RBFOX1: variants seen among roughly 807,000 people sequenced by gnomAD.
RBFOX1 encodes RNA binding protein fox-1 homolog 1.
A neutral mutation model predicts 57.7 loss-of-function variants in RBFOX1; 8 were observed. The observed-to-expected ratio is 0.14, with a 90% CI of 0.08 to 0.25. RBFOX1 has a LOEUF of 0.25. Ranked by LOEUF, RBFOX1 falls within the 10% of genes least tolerant of loss-of-function variation. RBFOX1 has a pLI of 1.00. For synonymous variants in RBFOX1, 326 were observed against 222.4 expected, an observed-to-expected ratio of 1.47 and a Z score of -4.15; for missense variants, 611 against 548.5, an observed-to-expected ratio of 1.11 and a Z score of -1.14.
chr16:6,584,234 C>G (rs936427198), intron 2 of RBFOX1, among the ~76,000 whole-genome samples: 7 of 151,472 alleles, frequency 4.6e-5, no homozygotes, highest in African/African-American at 7.3e-5. Context: ...TAGGGCCCAT[C>G]AAAGGTAGTA....
intron 1 of RBFOX1, among the ~76,000 whole-genome samples, chr16:5,301,642 A>C (rs755099440): frequency 3.6e-5 from 5 of 138,650 alleles, no homozygotes; most frequent in Non-Finnish European, 6.4e-5. Flanking sequence ...AAAAAAACAC[A>C]CAAAAACAAA....
At chr16:6,896,515 A>G (rs898245285) in intron 3 of RBFOX1, among the ~76,000 whole-genome samples, 3 of 152,164 alleles carry the variant, frequency 2.0e-5, no homozygotes, top group Non-Finnish European at 2.9e-5. Context: ...GTGAGAATAT[A>G]TGATGTCTGT....
At chr16:5,785,512 T>TTTCTTTC (rs1350845574) in intron 3 of RBFOX1, among the ~76,000 whole-genome samples, 1 of 147,186 alleles carries the variant, frequency 6.8e-6, no homozygotes, top group Non-Finnish European at 1.5e-5. Flanking sequence ...TCTTTTCTTT[T>TTTCTTTC]TTCTTTCTTT....
At chr16:7,093,072 A>G (rs748077617) in intron 4 of RBFOX1, among the ~76,000 whole-genome samples, 2 of 152,246 alleles carry the variant, frequency 1.3e-5, no homozygotes, top group African/African-American at 4.8e-5. Context: ...TGTGTTTCCT[A>G]TGAGTGCAGT....
intron 3 of RBFOX1, among the ~76,000 whole-genome samples, chr16:6,788,910 G>C (rs542927045): frequency 9.2e-5 from 14 of 152,126 alleles, no homozygotes; most frequent in African/African-American, 3.1e-4. Flanking sequence ...TAAGAACTCA[G>C]CGTCCCCAAG....
intron 1 of RBFOX1, among the ~76,000 whole-genome samples, chr16:6,085,368 G>T (rs1031166912): frequency 6.6e-6 from 1 of 152,208 alleles, no homozygotes; most frequent in Non-Finnish European, 1.5e-5. Flanking sequence ...TGCCTAGCGG[G>T]TTCAAGCGAT....
rs539932559 is a variant in RBFOX1, at chr16:6,942,103, G to T, written c.-15-109954G>T. Among the ~76,000 whole-genome samples the T allele has an allele frequency of 6.6e-5, 10 of 152,198 alleles. No individual in the cohort carries two copies. The East Asian group carries it at 1.7e-3, about 27-fold the overall frequency. On this transcript the variant is annotated intron_variant, in intron 3 of 15. Transcript: ENST00000550418. ...TAATAATAAAAATTAGCCACGTGCA[G>T]TGGTGCACACCTGTAATCCCAGCTA...
At chr16:5,756,530 G>T (rs562703023) in intron 3 of RBFOX1, among the ~76,000 whole-genome samples, 2 of 152,226 alleles carry the variant, frequency 1.3e-5, no homozygotes, top group Admixed American at 6.5e-5. Context: ...ACATCCAGGG[G>T]CCAATAATAA....
In RBFOX1 at chr16:5,490,694, C is replaced by G. The variant is rs746005722; in HGVS notation, c.258+23440C>G. Reference sequence around the variant, plus strand: ...GACCGCCCGGAAACTTCAAGGAGGCCTGGCCAGGCGGATTCCCGTGGACCA... The same window carrying G: ...GACCGCCCGGAAACTTCAAGGAGGCGTGGCCAGGCGGATTCCCGTGGACCA... On this transcript the variant is annotated intron_variant, in intron 2 of 2. Transcript: ENST00000585867. 5.8e-4 allele frequency among the ~76,000 whole-genome samples: 88 copies of G among 152,308 alleles called. No individual in the cohort carries two copies. In the Middle Eastern group the frequency reaches 0.01, roughly 18 times the overall value.
At chr16:6,535,922 G>C (rs1463383680) in intron 2 of RBFOX1, among the ~76,000 whole-genome samples, 1 of 152,126 alleles carries the variant, frequency 6.6e-6, no homozygotes, top group South Asian at 2.1e-4. Context: ...TCCCTCTAGA[G>C]ATGACACTGA....
chr16:6,672,993 C>G (rs942085145), intron 3 of RBFOX1, among the ~76,000 whole-genome samples: 2 of 152,052 alleles, frequency 1.3e-5, no homozygotes, highest in Non-Finnish European at 2.9e-5. Flanking sequence ...TGATATGAAG[C>G]CAGTGCAATG....
intron 7 of RBFOX1, among the ~76,000 whole-genome samples, chr16:7,589,827 C>T (rs11640881): frequency 1.3e-5 from 2 of 151,516 alleles, no homozygotes; most frequent in African/African-American, 2.4e-5. Context: ...TGGGCCCTTA[C>T]GAGCCAGGAA....
chr16:5,376,642 G>GC (rs1170436696), intron 1 of RBFOX1, among the ~76,000 whole-genome samples: 1 of 152,180 alleles, frequency 6.6e-6, no homozygotes, highest in African/African-American at 2.4e-5. Context: ...GCAGCTGCTG[G>GC]CTGTGGTTAC....
chr16:5,682,467 G>T (rs1742917786), intron 3 of RBFOX1, among the ~76,000 whole-genome samples: 1 of 152,178 alleles, frequency 6.6e-6, no homozygotes, highest in Non-Finnish European at 1.5e-5. Flanking sequence ...TTGACAATCG[G>T]TCCGTCTAGG....
intron 4 of RBFOX1, among the ~76,000 whole-genome samples, chr16:7,215,275 C>G (rs944032508): frequency 6.6e-6 from 1 of 152,166 alleles, no homozygotes; most frequent in African/African-American, 2.4e-5. Context: ...CCTGAAGGAT[C>G]TAGAACCAGA....
At chr16:6,831,515 G>C (rs1356828913) in intron 3 of RBFOX1, among the ~76,000 whole-genome samples, 1 of 152,022 alleles carries the variant, frequency 6.6e-6, no homozygotes, top group African/African-American at 2.4e-5. Flanking sequence ...TTCCCTTTTT[G>C]AATATAAGAG....
chr16:5,993,403 G>C (rs111279179), intron 4 of RBFOX1, among the ~76,000 whole-genome samples: 81,371 of 144,018 alleles, frequency 0.57, 23,936 homozygotes, highest in African/African-American at 0.72. Context: ...GAGAGACAGA[G>C]AGAGAGAGAG....
chr16:7,448,669 T>G (rs1457742988), intron 4 of RBFOX1, among the ~76,000 whole-genome samples: 2 of 152,160 alleles, frequency 1.3e-5, no homozygotes, highest in Non-Finnish European at 2.9e-5. Flanking sequence ...GTTCTTTGTT[T>G]CTCTCCTGGC....
At chr16:6,830,238 G>A (rs1463423295) in intron 3 of RBFOX1, among the ~76,000 whole-genome samples, 2 of 152,170 alleles carry the variant, frequency 1.3e-5, no homozygotes, top group African/African-American at 4.8e-5. Context: ...CTTAATGTGT[G>A]TGAAGACATC....
Sources: allele counts gnomAD v4.1 joint callset (sites outside exome capture counted in the v4.1 genomes callset), GRCh38; gene constraint gnomAD v4.1.1; transcripts MANE v1.5; gene names NCBI Gene and HGNC (gene_info 2026-07-23, HGNC 2026-07-21).